Variants in TMEM64 observed in about 807,000 individuals in gnomAD.
TMEM64 encodes the protein transmembrane protein 64.
In TMEM64, 19 loss-of-function variants were observed where a neutral mutation model predicts 24.5. The ratio of observed to expected loss-of-function variants is 0.78; its 90% CI spans 0.54 to 1.14. The LOEUF (loss-of-function observed/expected upper bound fraction) is 1.14, where lower values mean the gene tolerates loss of function less well. Ranked by LOEUF, TMEM64 falls within the 50% of genes most tolerant of loss-of-function variation. TMEM64 has a pLI of 0.00. For synonymous variants in TMEM64, 262 were observed against 224.7 expected (o/e 1.17, Z -1.49); for missense variants, 487 against 493.0 (o/e 0.99, Z 0.12).
At chr8:90,627,639 C>G (rs1266928784) in intron 2 of TMEM64, among the ~76,000 whole-genome samples, 2 of 151,942 alleles carry the variant, frequency 1.3e-5, no homozygotes, top group Non-Finnish European at 2.9e-5. Flanking sequence ...TGAGGGCAGG[C>G]GGAGGGTCTT....
chr8:90,624,423 C>T lies in TMEM64; in HGVS notation c.*1248G>A, dbSNP rs1194626432. Reference sequence around the variant, plus strand: ...AAAAAAAAATCATTAAGTTTATAAACTATTTTAAAAATAAAACGAATACAT... The same window carrying T: ...AAAAAAAAATCATTAAGTTTATAAATTATTTTAAAAATAAAACGAATACAT... On this transcript the variant is annotated 3_prime_UTR_variant, in exon 3 of 3. Coordinates refer to ENST00000458549, the MANE Select transcript of TMEM64 (RefSeq NM_001008495.4). 2 of 152,160 alleles carry T rather than the reference C, an allele frequency of 1.3e-5. No individual in the cohort carries two copies. Among genetic ancestry groups the T allele is most frequent in the African/African-American group, 4.8e-5 (2 of 41,406 alleles). 9.4% of individuals were successfully genotyped at this position (152,160 alleles called of 1,614,324 possible). A position where few individuals can be genotyped will look rare whatever the true frequency, so the allele number is the denominator to read the frequency against.
At position 90,645,730 on chromosome 8, in the gene TMEM64, G is replaced by A; in HGVS notation, c.176C>T (p.Ala59Val). 2.6e-6 allele frequency: 3 copies of A among 1,164,186 alleles called. No homozygotes were observed. The highest frequency in any genetic ancestry group is 3.2e-6 in the Non-Finnish European group (3 of 945,962). 72.1% of individuals were successfully genotyped at this position (1,164,186 alleles called of 1,614,324 possible). A position where few individuals can be genotyped will look rare whatever the true frequency, so the allele number is the denominator to read the frequency against. Reference sequence around the variant, plus strand: ...GCCGAGCAGGGCGCCCGAGGCCGCCGCTGCTGCCGCCGCCGCGCTCGCCCC... The same window carrying A: ...GCCGAGCAGGGCGCCCGAGGCCGCCACTGCTGCCGCCGCCGCGCTCGCCCC... The part of the protein sequence containing the change: ...GGGASAAAAA[A>V]AASGALLGAY... The change falls in exon 1 of 3, where the codon GCG becomes GTG. Residue 59 changes from alanine (A) to valine (V), a missense_variant. Ala to Val is a moderately conservative substitution (Grantham distance 64). Around this residue, in one of 3 missense-constraint regions of TMEM64, gnomAD observed 419 missense variants for 407.5 expected, o/e 1.03. Transcript: ENST00000458549. This position sits in a 1 kb window ranked among gnomAD's most constrained non-coding sequence, Gnocchi z 4.2.
At chr8:90,635,252 G>A (rs552911912) in intron 1 of TMEM64, among the ~76,000 whole-genome samples, 21 of 152,104 alleles carry the variant, frequency 1.4e-4, no homozygotes, top group Non-Finnish European at 2.6e-4. Flanking sequence ...TGGGAAGAGA[G>A]GGATTCAAGG....
Position 90,645,093 on chromosome 8 carries a change from C to T in TMEM64, c.795+18G>A, listed in dbSNP as rs769086295. 2 of 1,588,904 alleles carry T rather than the reference C, an allele frequency of 1.3e-6. No individual in the cohort carries two copies. The highest frequency in any genetic ancestry group is 1.7e-6 in the Non-Finnish European group (2 of 1,163,942). On this transcript the variant is annotated intron_variant, in intron 1 of 2. Coordinates refer to ENST00000458549, the MANE Select transcript of TMEM64 (RefSeq NM_001008495.4). This position sits in a 1 kb window ranked among gnomAD's most constrained non-coding sequence, Gnocchi z 4.2. Reference sequence around the variant, plus strand: ...AAAACAGACTTGGAGAGGGATAGGCCAGCGGGACCCCACTTACCGAAAACA... The same window carrying T: ...AAAACAGACTTGGAGAGGGATAGGCTAGCGGGACCCCACTTACCGAAAACA...
chr8:90,641,537 C>G (rs1381686282), intron 1 of TMEM64, among the ~76,000 whole-genome samples: 2 of 152,258 alleles, frequency 1.3e-5, no homozygotes, highest in East Asian at 3.9e-4. Flanking sequence ...TGCTCTAAGA[C>G]AAGTATTCTA....
rs565189482 is a variant in TMEM64, at chr8:90,627,159, G to A, written c.952-1297C>T. ...CCATAATTATAACATAAGCTTTAAA[G>A]GGAAAGTATTCTAAATCCAAGTGCT... On this transcript the variant is annotated intron_variant, in intron 2 of 2. Coordinates refer to ENST00000458549, the MANE Select transcript of TMEM64 (RefSeq NM_001008495.4). Among the ~76,000 whole-genome samples the A allele has an allele frequency of 3.3e-5, 5 of 152,182 alleles. No individual in the cohort carries two copies. In the East Asian group the frequency reaches 9.7e-4, roughly 29 times the overall value.
At chr8:90,637,650 G>A (rs995041307) in intron 1 of TMEM64, among the ~76,000 whole-genome samples, 10 of 152,020 alleles carry the variant, frequency 6.6e-5, no homozygotes, top group Non-Finnish European at 2.9e-5. Context: ...CCCTATGACT[G>A]TTAAGAAAGG....
At chr8:90,643,001 C>T (rs548187296) in intron 1 of TMEM64, among the ~76,000 whole-genome samples, 1 of 152,296 alleles carries the variant, frequency 6.6e-6, no homozygotes, top group East Asian at 1.9e-4. Flanking sequence ...GTTTCAACTA[C>T]ATGATTACCT....
intron 2 of TMEM64, among the ~76,000 whole-genome samples, chr8:90,627,563 T>C (rs907590122): frequency 6.6e-6 from 1 of 152,016 alleles, no homozygotes; most frequent in Non-Finnish European, 1.5e-5. Context: ...AGTTCATGGA[T>C]GTCAGTGAAG....
At position 90,623,751 on chromosome 8, in the gene TMEM64, A is replaced by G. The variant is rs1464340353; in HGVS notation, c.*1920T>C. 1 of 152,532 alleles carries G rather than the reference A, an allele frequency of 6.6e-6. No homozygotes were observed. The highest frequency in any genetic ancestry group is 2.4e-5 in the African/African-American group (1 of 41,442). 9.4% of individuals were successfully genotyped at this position (152,532 alleles called of 1,614,324 possible). ...AAATAAATGTACTTCAAAATACGTG[A>G]AGTGTAAAACAAGTATGAAAACAGT... On this transcript the variant is annotated 3_prime_UTR_variant, in exon 3 of 3. Transcript: ENST00000458549.
intron 1 of TMEM64, among the ~76,000 whole-genome samples, chr8:90,640,792 T>G (rs1213182631): frequency 6.6e-6 from 1 of 152,210 alleles, no homozygotes; most frequent in Non-Finnish European, 1.5e-5. Flanking sequence ...ACTATTATTA[T>G]TTCAGTCAGT....
At position 90,633,635 on chromosome 8, in the gene TMEM64, C is replaced by T. The variant is rs758590700; in HGVS notation, c.796-1928G>A. Among the ~76,000 whole-genome samples, 10 of 152,200 alleles carry T rather than the reference C, an allele frequency of 6.6e-5. No homozygotes were observed. The East Asian group carries it at 1.9e-3, about 29-fold the overall frequency. ...AAATGTTCACAATGATTTAACACAC[C>T]TGTCAGTATGTGATACATGAATGTG... On this transcript the variant is annotated intron_variant, in intron 1 of 2. Coordinates refer to ENST00000458549, the MANE Select transcript of TMEM64 (RefSeq NM_001008495.4).
At position 90,646,009 on chromosome 8, in the gene TMEM64, C is replaced by A; in HGVS notation, c.-104G>T. Reference sequence around the variant, plus strand: ...CGGTTCGCCCGGCATCGACTCCCTGCGTCCGCTCAGAGGGTGGGAGACGGC... The same window carrying A: ...CGGTTCGCCCGGCATCGACTCCCTGAGTCCGCTCAGAGGGTGGGAGACGGC... On this transcript the variant is annotated 5_prime_UTR_variant, in exon 1 of 3. Coordinates refer to ENST00000458549, the MANE Select transcript of TMEM64 (RefSeq NM_001008495.4). The A allele has an allele frequency of 1.1e-5, 6 of 531,354 alleles. No homozygotes were observed. Among genetic ancestry groups the A allele is most frequent in the Non-Finnish European group, 1.5e-5 (6 of 405,814 alleles). 32.9% of individuals were successfully genotyped at this position (531,354 alleles called of 1,614,324 possible).
chr8:90,645,851 C>T lies in TMEM64; in HGVS notation c.55G>A (p.Ala19Thr). Reference protein sequence around the residue: ...LQALPRLLQHAALPGLAELPA... With the variant: ...LQALPRLLQHTALPGLAELPA... ...AGCTCGGCGAGGCCCGGGAGGGCGG[C>T]GTGCTGCAGCAGCCGGGGCAGCGCC... Residue 19 changes from alanine (A) to threonine (T), a missense_variant, in exon 1 of 3, where the codon GCC becomes ACC. Physicochemically the swap from Ala to Thr is moderately conservative, Grantham distance 58. Transcript: ENST00000458549. The surrounding 1 kb of genome is among the most constrained non-coding windows in gnomAD (Gnocchi z 4.2). 3.6e-6 allele frequency: 4 copies of T among 1,124,108 alleles called. No individual in the cohort carries two copies. Among genetic ancestry groups the T allele is most frequent in the Non-Finnish European group, 4.4e-6 (4 of 919,396 alleles). The allele number at this position is 1,124,108 out of a possible 1,614,324, so 69.6% of individuals were successfully genotyped here.
In TMEM64 at chr8:90,645,498, G is replaced by C. The variant is rs1437929192; in HGVS notation, c.408C>G (p.Ser136=). The change falls in exon 1 of 3, where the codon TCC becomes TCG. Residue 136 remains serine (S), a synonymous_variant. Transcript: ENST00000458549. This position sits in a 1 kb window ranked among gnomAD's most constrained non-coding sequence, Gnocchi z 4.2. The part of the protein sequence containing the change: ...VCVLAALCFA[S]LALVRRYLHH... Reference sequence around the variant, plus strand: ...GAAGGTAGCGGCGGACCAGGGCCAGGGAAGCGAAGCACAGGGCGGCCAACA... The same window carrying C: ...GAAGGTAGCGGCGGACCAGGGCCAGCGAAGCGAAGCACAGGGCGGCCAACA... The C allele has an allele frequency of 6.4e-7, 1 of 1,550,774 alleles. No homozygotes were observed. Among genetic ancestry groups the C allele is most frequent in the Admixed American group, 2.0e-5 (1 of 50,992 alleles).
In TMEM64 at chr8:90,629,770, ACT is replaced by A. The variant is rs542060211; in HGVS notation, c.951+1780_951+1781del. Among the ~76,000 whole-genome samples the A allele has an allele frequency of 8.9e-4, 135 of 152,098 alleles. 1 individual carries two copies. The highest frequency in any genetic ancestry group is 1.5e-3 in the Non-Finnish European group (105 of 67,944). ...AAAAAGTAAAGAAAAATAAAAACTG[ACT>A]CTTTGCATGTCAAAAATATTACAAA... is the stretch of plus-strand genomic sequence containing the variant. On this transcript the variant is annotated intron_variant, in intron 2 of 2. Coordinates refer to ENST00000458549, the MANE Select transcript of TMEM64 (RefSeq NM_001008495.4).
In TMEM64 at chr8:90,622,313, T is replaced by C. The variant is rs1809293882; in HGVS notation, c.*3358A>G. 6.6e-6 allele frequency: 1 copy of C among 152,220 alleles called. No homozygotes were observed. Among genetic ancestry groups the C allele is most frequent in the Non-Finnish European group, 1.5e-5 (1 of 68,038 alleles). 9.4% of individuals were successfully genotyped at this position (152,220 alleles called of 1,614,324 possible). On this transcript the variant is annotated 3_prime_UTR_variant, in exon 3 of 3. Coordinates refer to ENST00000458549, the MANE Select transcript of TMEM64 (RefSeq NM_001008495.4). ...TTTAAAAAGATTACATCCTAAATAC[T>C]TGATTACAACAGAAATCGACCAATC...
chr8:90,645,425 G>A lies in TMEM64; in HGVS notation c.481C>T (p.Leu161=), dbSNP rs1809676245. The change falls in exon 1 of 3, where the codon CTG becomes TTG. Residue 161 remains leucine (L), a synonymous_variant. Coordinates refer to ENST00000458549, the MANE Select transcript of TMEM64 (RefSeq NM_001008495.4). This position sits in a 1 kb window ranked among gnomAD's most constrained non-coding sequence, Gnocchi z 4.2. Reference sequence around the variant, plus strand: ...ACGATGAAGCCCACGACGAAGAGCAGGACCCCCAGCAGCGAGTCAAGGCTC... The same window carrying A: ...ACGATGAAGCCCACGACGAAGAGCAAGACCCCCAGCAGCGAGTCAAGGCTC... The part of the protein sequence containing the change: ...VESLDSLLGV[L]LFVVGFIVVS... 1.9e-6 allele frequency: 3 copies of A among 1,551,616 alleles called. No homozygotes were observed. In the African/African-American group the frequency reaches 4.1e-5, roughly 21 times the overall value.
intron 1 of TMEM64, among the ~76,000 whole-genome samples, chr8:90,643,276 C>G (rs1225475283): frequency 6.6e-6 from 1 of 152,166 alleles, no homozygotes; most frequent in African/African-American, 2.4e-5. Flanking sequence ...ACAACAGAAA[C>G]GACAAAAGCC....
Sources: gnomAD v4.1 joint callset for allele counts (sites outside exome capture counted in the v4.1 genomes callset) on GRCh38, gnomAD v4.1.1 for gene constraint, gnomAD v4.1.1 regional missense constraint, Gnocchi (gnomAD v3.1) non-coding constraint, MANE v1.5 for transcripts, NCBI Gene and HGNC (gene_info 2026-07-23, HGNC 2026-07-21) for gene names.